The following BANK1 variants were observed in gnomAD, a reference collection of about 807,000 sequenced individuals.
BANK1 encodes B cell scaffold protein with ankyrin repeats 1.
In BANK1, 95 loss-of-function variants were observed where a neutral mutation model predicts 94.5. The ratio of observed to expected loss-of-function variants is 1.00; its 90% confidence interval spans 0.85 to 1.19. The LOEUF is 1.19. BANK1 is among the 50% of genes most tolerant of loss of function. The probability of loss-of-function intolerance (pLI) is 0.00; values close to 1 mark genes in which losing one functional copy is unlikely to be tolerated. For missense variants in BANK1, 987 were observed against 932.2 expected (o/e 1.06, Z -0.77); for synonymous variants, 334 against 308.4 (o/e 1.08, Z -0.87).
At chr4:101,866,147 A>AT (rs764892303) in intron 4 of BANK1, among the ~76,000 whole-genome samples, 11 of 152,182 alleles carry the variant, frequency 7.2e-5, no homozygotes, top group Non-Finnish European at 1.5e-4. Flanking sequence ...ATAAAAAGAG[A>AT]TAAACTTTGA....
intron 1 of BANK1, among the ~76,000 whole-genome samples, chr4:101,807,506 G>C (rs1002219495): frequency 6.6e-6 from 1 of 152,124 alleles, no homozygotes; most frequent in African/African-American, 2.4e-5. Context: ...AAAAGAAACT[G>C]ACTTTCTCCC....
intron 5 of BANK1, among the ~76,000 whole-genome samples, chr4:101,876,259 G>A (rs995357678): frequency 2.6e-5 from 4 of 152,206 alleles, no homozygotes; most frequent in African/African-American, 9.7e-5. Flanking sequence ...CACATTCCCA[G>A]CTGTAGTGGC....
At chr4:101,939,497 A>T (rs1241986248) in intron 7 of BANK1, among the ~76,000 whole-genome samples, 2 of 151,718 alleles carry the variant, frequency 1.3e-5, no homozygotes, top group African/African-American at 4.8e-5. Flanking sequence ...GGATGCCTCC[A>T]TCTTGTAGCA....
chr4:102,063,913 G>T (rs1728508231), intron 13 of BANK1, among the ~76,000 whole-genome samples: 1 of 151,834 alleles, frequency 6.6e-6, no homozygotes, highest in African/African-American at 2.4e-5. Context: ...TTGTCAACAT[G>T]TGTATCATTT....
At chr4:101,986,855 GTATATA>G (rs769659546) in intron 7 of BANK1, among the ~76,000 whole-genome samples, 2,190 of 79,196 alleles carry the variant, frequency 0.028, 121 homozygotes, top group East Asian at 0.045. Flanking sequence ...GTATATATAT[GTATATA>G]TATATGTGTG....
chr4:101,865,748 C>T (rs760469124), intron 4 of BANK1, among the ~76,000 whole-genome samples: 18 of 152,068 alleles, frequency 1.2e-4, no homozygotes, highest in African/African-American at 2.7e-4. Context: ...TTATGGTTAC[C>T]ACAACAGGAT....
chr4:101,890,471 T>C (rs558209487), intron 5 of BANK1, among the ~76,000 whole-genome samples: 1 of 151,606 alleles, frequency 6.6e-6, no homozygotes, highest in Non-Finnish European at 1.5e-5. Context: ...GATATTAATA[T>C]AGCCATTTTT....
chr4:101,937,852 A>G (rs1474631657), intron 7 of BANK1, among the ~76,000 whole-genome samples: 2 of 151,922 alleles, frequency 1.3e-5, no homozygotes, highest in Non-Finnish European at 2.9e-5. Context: ...ATGCCCATCA[A>G]TGATAGACTG....
chr4:101,808,953 A>C (rs921988251), intron 1 of BANK1, among the ~76,000 whole-genome samples: 1 of 152,204 alleles, frequency 6.6e-6, no homozygotes, highest in Non-Finnish European at 1.5e-5. Context: ...TCCTTAAAGA[A>C]CTAAAAGTAG....
chr4:101,835,879 T>C (rs1726805025), intron 2 of BANK1, among the ~76,000 whole-genome samples: 1 of 152,210 alleles, frequency 6.6e-6, no homozygotes, highest in Admixed American at 6.5e-5. Flanking sequence ...TCATTCACCA[T>C]TGAACAAACA....
intron 2 of BANK1, among the ~76,000 whole-genome samples, chr4:101,836,410 G>A (rs904671497): frequency 6.6e-6 from 1 of 152,272 alleles, no homozygotes; most frequent in South Asian, 2.1e-4. Flanking sequence ...AACCTGGGAG[G>A]CAGAGGCTGC....
At chr4:102,029,907 A>G (rs556891351) in intron 9 of BANK1, 53 bp from the exon 10 acceptor site, 3 of 1,515,874 alleles carry the variant, frequency 2.0e-6, no homozygotes, top group Non-Finnish European at 2.7e-6. Flanking sequence ...ATGGACACCA[A>G]TAATGTTGCA....
chr4:101,839,877 T>C (rs1327729318), intron 2 of BANK1, among the ~76,000 whole-genome samples: 1 of 148,304 alleles, frequency 6.7e-6, no homozygotes, highest in Non-Finnish European at 1.5e-5. Flanking sequence ...AAAGGAGATA[T>C]ACAATTGCTT....
chr4:101,827,933 A>G (rs1476525528), intron 1 of BANK1, among the ~76,000 whole-genome samples: 1 of 151,916 alleles, frequency 6.6e-6, no homozygotes, highest in African/African-American at 2.4e-5. Context: ...TTGTCTTCCT[A>G]TAAAACATAA....
chr4:101,918,015 A>C lies in BANK1; in HGVS notation c.1032A>C (p.Pro344=), dbSNP rs776850929. Residue 344 remains proline (P), a synonymous_variant, in exon 7 of 17, where the codon CCA becomes CCC. Transcript: ENST00000322953. The stretch of plus-strand genomic sequence containing the variant: ...CAGATACTCATTTCAAAGAACTTCC[A>C]ACTCTTCTCCACTGTGCAGCAAAAT... ...QNKYTHFKEL[P]TLLHCAAKFG... is the part of the protein sequence containing the mutation. 2 of 1,607,792 alleles carry C rather than the reference A, an allele frequency of 1.2e-6. No individual in the cohort carries two copies. The highest frequency in any genetic ancestry group is 2.2e-5 in the South Asian group (2 of 90,456).
intron 1 of BANK1, among the ~76,000 whole-genome samples, chr4:101,797,637 C>G (rs998112359): frequency 6.6e-6 from 1 of 151,894 alleles, no homozygotes; most frequent in Non-Finnish European, 1.5e-5. Context: ...AGAATGACAC[C>G]AAGGGTTGTG....
At chr4:101,941,053 T>C (rs918244286) in intron 7 of BANK1, among the ~76,000 whole-genome samples, 1 of 151,792 alleles carries the variant, frequency 6.6e-6, no homozygotes, top group African/African-American at 2.4e-5. Context: ...CAATCATTTA[T>C]TTATATCTGT....
chr4:101,877,381 G>T (rs1728530251), intron 5 of BANK1, among the ~76,000 whole-genome samples: 1 of 152,124 alleles, frequency 6.6e-6, no homozygotes, highest in Non-Finnish European at 1.5e-5. Context: ...GAAACACAGA[G>T]AACTGTAACA....
At chr4:102,051,242 G>A (rs992799318) in intron 11 of BANK1, among the ~76,000 whole-genome samples, 1 of 152,108 alleles carries the variant, frequency 6.6e-6, no homozygotes, top group Non-Finnish European at 1.5e-5. Flanking sequence ...ACAGAAAAGA[G>A]GGAAAATTGT....
Sources: allele counts gnomAD v4.1 joint callset (sites outside exome capture counted in the v4.1 genomes callset), GRCh38; gene constraint gnomAD v4.1.1; transcripts MANE v1.5; gene names NCBI Gene and HGNC (gene_info 2026-07-23, HGNC 2026-07-21).